SMTNL1: variants seen among roughly 807,000 people sequenced by gnomAD.
The protein encoded by SMTNL1 is smoothelin like 1.
A neutral mutation model predicts 46.6 loss-of-function variants in SMTNL1; 41 were observed. That is an observed-to-expected ratio of 0.88 (90% CI 0.69 to 1.14). The LOEUF (loss-of-function observed/expected upper bound fraction) is 1.14, where lower values mean the gene tolerates loss of function less well. Among genes scored for constraint, SMTNL1 ranks in the 50% most tolerant of loss-of-function variants. The pLI is 0.00. For missense variants in SMTNL1, 591 were observed against 626.1 expected (o/e 0.94, Z 0.60); for synonymous variants, 234 against 234.2 (o/e 1.00, Z 0.01).
chr11:57,540,887 TTGTAGTAGAGA>T (rs1411958225), intron 1 of SMTNL1, among the ~76,000 whole-genome samples: 1 of 151,928 alleles, frequency 6.6e-6, no homozygotes, highest in African/African-American at 2.4e-5. Context: ...ATTTTTGTAT[TTGTAGTAGAGA>T]TGGGGTTTCA....
intron 7 of SMTNL1, among the ~76,000 whole-genome samples, chr11:57,547,406 G>C (rs1944930435): frequency 1.3e-5 from 2 of 152,254 alleles, no homozygotes; most frequent in Admixed American, 1.3e-4. Flanking sequence ...GGGATGTGTG[G>C]AGAAGGAGAG....
intron 1 of SMTNL1, among the ~76,000 whole-genome samples, chr11:57,539,969 G>A (rs900142018): frequency 3.9e-5 from 6 of 152,170 alleles, no homozygotes; most frequent in Non-Finnish European, 8.8e-5. Flanking sequence ...GCTAGTCCAT[G>A]TCACCTTCCA....
intron 4 of SMTNL1, 139 bp from the exon 5 acceptor site, chr11:57,545,742 G>A: frequency 1.3e-6 from 1 of 796,408 alleles, no homozygotes; most frequent in East Asian, 2.8e-5. Context: ...CCTTCTCAAT[G>A]TCCTCCCAGT....
Position 57,543,711 on chromosome 11 carries a change from G to T in SMTNL1, c.820G>T (p.Glu274Ter). ...GAGVIPSSPEEWPESPTGEGH... is the reference protein window; with the variant it reads ...GAGVIPSSPE Reference sequence around the variant, plus strand: ...AGGGGTGATTCCCAGCTCCCCAGAGGAGTGGCCTGAGAGCCCCACTGGGGA... The same window carrying T: ...AGGGGTGATTCCCAGCTCCCCAGAGTAGTGGCCTGAGAGCCCCACTGGGGA... Residue 274 changes from glutamate (E) to a stop codon, truncating the protein, a stop_gained, in exon 3 of 8, where the codon GAG becomes TAG. Coordinates refer to ENST00000527972, the MANE Select transcript of SMTNL1 (RefSeq NM_001105565.3). LOFTEE classifies it high-confidence loss of function. The T allele has an allele frequency of 6.3e-7, 1 of 1,574,868 alleles. No individual in the cohort carries two copies. Among genetic ancestry groups the T allele is most frequent in the Non-Finnish European group, 8.6e-7 (1 of 1,160,380 alleles).
In SMTNL1 at chr11:57,550,212, G is replaced by A; in HGVS notation, c.*100G>A. 4 of 1,304,886 alleles carry A rather than the reference G, an allele frequency of 3.1e-6. No individual in the cohort carries two copies. In the African/African-American group the frequency reaches 6.0e-5, roughly 19 times the overall value. The allele number at this position is 1,304,886 out of a possible 1,614,324, so 80.8% of individuals were successfully genotyped here. A position where few individuals can be genotyped will look rare whatever the true frequency, so the allele number is the denominator to read the frequency against. ...GCTCCATGGAGGCACCAGAGCCAGG[G>A]GCTTAGGCAAGGGTGTGTGGCGTTG... On this transcript the variant is annotated 3_prime_UTR_variant, in exon 8 of 8. Coordinates refer to ENST00000527972, the MANE Select transcript of SMTNL1 (RefSeq NM_001105565.3).
intron 7 of SMTNL1, among the ~76,000 whole-genome samples, chr11:57,548,679 T>C (rs975924185): frequency 6.6e-6 from 1 of 151,940 alleles, no homozygotes; most frequent in Non-Finnish European, 1.5e-5. Context: ...CAAAAATAAA[T>C]AAATAAATAC....
chr11:57,538,751 A>G (rs1262911544), intron 1 of SMTNL1, among the ~76,000 whole-genome samples: 2 of 152,216 alleles, frequency 1.3e-5, no homozygotes, highest in Non-Finnish European at 2.9e-5. Context: ...TGAAATCCCC[A>G]TTGGCTCCCT....
At chr11:57,548,283 G>T (rs563175231) in intron 7 of SMTNL1, among the ~76,000 whole-genome samples, 1 of 152,182 alleles carries the variant, frequency 6.6e-6, no homozygotes, top group South Asian at 2.1e-4. Context: ...TTCCTGCCTC[G>T]GGGCCCTTGC....
chr11:57,539,836 A>G (rs1446583958), intron 1 of SMTNL1, among the ~76,000 whole-genome samples: 1 of 152,150 alleles, frequency 6.6e-6, no homozygotes, highest in African/African-American at 2.4e-5. Context: ...GATGGGACCT[A>G]TTGTTGTCTG....
Position 57,543,308 on chromosome 11 carries a change from G to A in SMTNL1, c.666G>A (p.Glu222=), listed in dbSNP as rs748818785. Residue 222 remains glutamate (E), a synonymous_variant, in exon 2 of 8, where the codon GAG becomes GAA. Transcript: ENST00000527972. ...AACCCAAGGAGCCCGATGGGAAAGA[G>A]GAGGCCAAACATGGTGCAAAAGAGG... The part of the protein sequence containing the change: ...KAEPKEPDGK[E]EAKHGAKEEA... 2.5e-6 allele frequency: 4 copies of A among 1,614,006 alleles called. No homozygotes were observed. The highest frequency in any genetic ancestry group is 2.2e-5 in the East Asian group (1 of 44,880).
chr11:57,545,473 C>T (rs1455541121), intron 4 of SMTNL1, among the ~76,000 whole-genome samples: 5 of 151,708 alleles, frequency 3.3e-5, no homozygotes, highest in East Asian at 2.0e-4. Flanking sequence ...GGTGTGGTGG[C>T]GGGCACCTGT....
intron 4 of SMTNL1, 99 bp downstream of exon 4, chr11:57,544,019 T>A (rs2135263942): frequency 8.1e-7 from 1 of 1,238,930 alleles, no homozygotes; most frequent in East Asian, 2.6e-5. Context: ...AGCACCTGAT[T>A]TCAAGATATT....
At chr11:57,548,033 AACAC>A (rs554252697) in intron 7 of SMTNL1, among the ~76,000 whole-genome samples, 1 of 152,056 alleles carries the variant, frequency 6.6e-6, no homozygotes, top group Non-Finnish European at 1.5e-5. Flanking sequence ...AAACCACCAA[AACAC>A]TCTGAGTCTC....
Position 57,546,632 on chromosome 11 carries a change from C to A in SMTNL1, c.1320C>A (p.Thr440=). The A allele has an allele frequency of 6.2e-7, 1 of 1,613,790 alleles. No individual in the cohort carries two copies. Among genetic ancestry groups the A allele is most frequent in the Non-Finnish European group, 8.5e-7 (1 of 1,179,818 alleles). Residue 440 remains threonine, a synonymous_variant, in exon 7 of 8, where the codon ACC becomes ACA. Coordinates refer to ENST00000527972, the MANE Select transcript of SMTNL1 (RefSeq NM_001105565.3). The part of the protein sequence containing the change: ...LDPAKRRHNF[T]LAFSTAEKLA... ...CCGCAAAGCGCCGGCACAACTTCAC[C>A]CTGGCCTTCTCCACAGCAGAGTAAG...
intron 5 of SMTNL1, 35 bp downstream of exon 5, chr11:57,546,071 C>G (rs1446130989): frequency 6.5e-7 from 1 of 1,540,900 alleles, no homozygotes; most frequent in African/African-American, 1.4e-5. Flanking sequence ...CTGGGCTTTC[C>G]CATAGGAACC....
At position 57,542,817 on chromosome 11, in the gene SMTNL1, G is replaced by T. The variant is rs781539932; in HGVS notation, c.175G>T (p.Glu59Ter). 3 of 1,613,752 alleles carry T rather than the reference G, an allele frequency of 1.9e-6. No homozygotes were observed. Among genetic ancestry groups the T allele is most frequent in the Middle Eastern group, 1.6e-4 (1 of 6,062 alleles). ...ESGKQEKAPA[E>*]DGMSAELQGE... ...AGGAAAGCAGGAAAAGGCACCAGCC[G>T]AGGACGGCATGTCAGCAGAACTCCA... The change falls in exon 2 of 8, where the codon GAG (glutamate) becomes TAG (stop). Residue 59 changes from glutamate (E) to a stop codon, truncating the protein, a stop_gained. Coordinates refer to ENST00000527972, the MANE Select transcript of SMTNL1 (RefSeq NM_001105565.3). LOFTEE classifies it high-confidence loss of function.
rs759886949 is a variant in SMTNL1 at position 57,546,245 on chromosome 11, C to A, written c.1086C>A (p.Gly362=). 2.5e-6 allele frequency: 4 copies of A among 1,602,386 alleles called. No individual in the cohort carries two copies. The highest frequency in any genetic ancestry group is 2.7e-5 in the African/African-American group (2 of 74,876). Residue 362 remains glycine (G), a synonymous_variant, in exon 6 of 8, where the codon GGC becomes GGA. Transcript: ENST00000527972. ...IVDKFGGAAS[G]PTALFRNTKA... ...TCTCCCCTCACAGGGCAGCTTCCGG[C>A]CCCACGGCCTTGTTCCGCAACACTA... is the stretch of plus-strand genomic sequence containing the variant.
At chr11:57,549,298 C>G (rs7945289) in intron 7 of SMTNL1, among the ~76,000 whole-genome samples, 3,985 of 151,700 alleles carry the variant, frequency 0.026, 185 homozygotes, top group African/African-American at 0.091. Context: ...AGTGCTGGGA[C>G]TACAGGCATG....
chr11:57,537,920 G>T (rs1263767596), intron 1 of SMTNL1, among the ~76,000 whole-genome samples: 4 of 152,232 alleles, frequency 2.6e-5, no homozygotes, highest in Non-Finnish European at 5.9e-5. Context: ...ACTGGGTTGG[G>T]GGGTAGACTG....
Sources: allele counts gnomAD v4.1 joint callset (sites outside exome capture counted in the v4.1 genomes callset), GRCh38; gene constraint gnomAD v4.1.1; transcripts MANE v1.5; gene names NCBI Gene and HGNC (gene_info 2026-07-23, HGNC 2026-07-21).